IL4I1: variants seen among roughly 807,000 people sequenced by gnomAD.
IL4I1 encodes L-amino-acid oxidase.
IL4I1 carries 24 observed loss-of-function variants against 29.7 expected under a neutral mutation model. The ratio of observed to expected loss-of-function variants is 0.81; its 90% CI spans 0.59 to 1.14. The LOEUF is 1.14. IL4I1 is among the 50% of genes most tolerant of loss of function. The pLI is 0.00. For synonymous variants in IL4I1, 371 were observed against 352.5 expected, an observed-to-expected ratio of 1.05 and a Z score of -0.59; for missense variants, 686 against 785.6, an observed-to-expected ratio of 0.87 and a Z score of 1.52.
intron 2 of IL4I1, chr19:49,907,533 GTTTCT>G (rs1356591956): frequency 3.5e-5 from 14 of 404,610 alleles, no homozygotes; most frequent in East Asian, 3.0e-4. Context: ...TCTCCTGGGA[GTTTCT>G]TTTTTTTTTT....
chr19:49,915,324 G>C (rs890923003), intron 2 of IL4I1, among the ~76,000 whole-genome samples: 3 of 152,188 alleles, frequency 2.0e-5, no homozygotes, highest in Non-Finnish European at 4.4e-5. Context: ...TCTTCAGGGA[G>C]GCAGGAGTCA....
rs144891159 is a variant in IL4I1, at chr19:49,923,240, T to G, written c.-228+4454A>C. 7.1e-4 allele frequency among the ~76,000 whole-genome samples: 108 copies of G among 152,274 alleles called. 1 individual carries two copies. In the East Asian group the frequency reaches 0.02, roughly 28 times the overall value. On this transcript the variant is annotated intron_variant, in intron 2 of 9. Coordinates refer to the IL4I1 transcript ENST00000341114. The stretch of plus-strand genomic sequence containing the variant: ...TGAGCTGGCCTTGGCCTACCTGCCC[T>G]TGTTTGCCAGGACTCCCACCTTCAA...
Position 49,890,101 on chromosome 19 carries a change from C to T in IL4I1, c.1273G>A (p.Ala425Thr), listed in dbSNP as rs1600460758. ...ALRLALDDVA[A>T]LHGPVVRQLW... ...TGGCGCACGACAGGCCCGTGCAATG[C>T]CGCCACGTCGTCGAGCGCCAAGCGC... Residue 425 changes from alanine to threonine, a missense_variant, in exon 8 of 8, where the codon GCA becomes ACA. Coordinates refer to ENST00000391826, the MANE Select transcript of IL4I1 (RefSeq NM_152899.2). 6.5e-7 allele frequency: 1 copy of T among 1,544,754 alleles called. No individual in the cohort carries two copies. The highest frequency in any genetic ancestry group is 8.7e-7 in the Non-Finnish European group (1 of 1,145,604).
intron 5 of IL4I1, among the ~76,000 whole-genome samples, chr19:49,893,860 G>C (rs909984355): frequency 6.6e-6 from 1 of 151,794 alleles, no homozygotes; most frequent in Non-Finnish European, 1.5e-5. Context: ...GGTGGCGGGC[G>C]CCTGTAATCC....
intron 2 of IL4I1, chr19:49,909,362 A>C: frequency 1.2e-6 from 2 of 1,613,594 alleles, no homozygotes; most frequent in South Asian, 2.2e-5. Flanking sequence ...AGCTGGAGCC[A>C]CAGAGGTGGT....
intron 2 of IL4I1, among the ~76,000 whole-genome samples, chr19:49,914,232 C>A (rs141948656): frequency 1.3e-5 from 2 of 152,164 alleles, no homozygotes; most frequent in African/African-American, 4.8e-5. Context: ...GCTCTGATCC[C>A]GGAATTACCA....
At chr19:49,903,245 G>T (rs1201412369) in intron 3 of IL4I1, among the ~76,000 whole-genome samples, 2 of 152,220 alleles carry the variant, frequency 1.3e-5, no homozygotes, top group Non-Finnish European at 2.9e-5. Flanking sequence ...GGGAACTAGG[G>T]TATCTGAGGT....
At chr19:49,905,280 C>T (rs971013418) in intron 2 of IL4I1, among the ~76,000 whole-genome samples, 2 of 152,198 alleles carry the variant, frequency 1.3e-5, no homozygotes, top group African/African-American at 4.8e-5. Context: ...TGCCAACGAC[C>T]TTGTGGGCAT....
chr19:49,927,795 T>C (rs1399353909), exon 2 of IL4I1: 1 of 152,202 alleles, frequency 6.6e-6, no homozygotes, highest in African/African-American at 2.4e-5. Flanking sequence ...TGTCCTGATG[T>C]GGATGGGACA....
intron 7 of IL4I1, 64 bp downstream of exon 7, chr19:49,890,906 AC>A (rs1368449636): frequency 8.7e-7 from 1 of 1,154,824 alleles, no homozygotes; most frequent in Non-Finnish European, 1.2e-6. Context: ...GGCTCCTCCC[AC>A]TCCCTGCTAC....
intron 2 of IL4I1, among the ~76,000 whole-genome samples, chr19:49,913,668 T>C (rs2075542430): frequency 6.6e-6 from 1 of 152,218 alleles, no homozygotes; most frequent in African/African-American, 2.4e-5. Flanking sequence ...TCTCTCCCCT[T>C]TGCTGTTTTC....
chr19:49,891,580 G>GC (rs759231115), intron 5 of IL4I1, 107 bp from the exon 6 acceptor site: 22 of 951,888 alleles, frequency 2.3e-5, no homozygotes, highest in Non-Finnish European at 3.4e-5. Flanking sequence ...CCCACGGCTG[G>GC]CCATTCACCA....
At chr19:49,912,421 G>A (rs558238823) in intron 2 of IL4I1, among the ~76,000 whole-genome samples, 59 of 152,164 alleles carry the variant, frequency 3.9e-4, no homozygotes, top group Middle Eastern at 6.8e-3. Flanking sequence ...CGCTTGCCTC[G>A]GCCTCCCAAA....
chr19:49,915,857 T>C (rs573967807), intron 2 of IL4I1, among the ~76,000 whole-genome samples: 12 of 152,316 alleles, frequency 7.9e-5, no homozygotes, highest in African/African-American at 1.2e-4. Context: ...CCAGCCACGA[T>C]AGGCCATCTA....
chr19:49,897,421 C>T (rs1308935162), upstream of IL4I1, among the ~76,000 whole-genome samples: 6 of 152,090 alleles, frequency 3.9e-5, no homozygotes, highest in Admixed American at 6.5e-5. Flanking sequence ...GGGGTCAGGA[C>T]GTGGGCTCTG....
At chr19:49,912,661 C>T (rs114322850) in intron 2 of IL4I1, among the ~76,000 whole-genome samples, 1,757 of 152,152 alleles carry the variant, frequency 0.012, 39 homozygotes, top group African/African-American at 0.039. Flanking sequence ...CCCAGGAACT[C>T]GAGAACAGCC....
At chr19:49,908,471 C>A (rs140379555) in intron 2 of IL4I1, 8 of 1,614,150 alleles carry the variant, frequency 5.0e-6, no homozygotes, top group South Asian at 1.1e-5. Context: ...CTGGGCCATG[C>A]GCTTGAGCTG....
intron 2 of IL4I1, among the ~76,000 whole-genome samples, chr19:49,914,712 C>T (rs1339792424): frequency 1.4e-5 from 2 of 147,178 alleles, no homozygotes; most frequent in East Asian, 4.0e-4. Context: ...ATTCTTGTGC[C>T]ACTCCAAGTC....
upstream of IL4I1, among the ~76,000 whole-genome samples, chr19:49,899,757 G>A (rs1209736701): frequency 6.6e-5 from 10 of 152,064 alleles, no homozygotes; most frequent in African/African-American, 2.2e-4. Flanking sequence ...AGATTTCACC[G>A]TGTTAGCCAG....
Sources: gnomAD v4.1 joint callset for allele counts (sites outside exome capture counted in the v4.1 genomes callset) on GRCh38, gnomAD v4.1.1 for gene constraint, MANE v1.5 for transcripts, NCBI Gene and HGNC (gene_info 2026-07-23, HGNC 2026-07-21) for gene names.